Variants in KHK observed in about 807,000 individuals in gnomAD.
The protein encoded by KHK is fructokinase.
A neutral mutation model predicts 36.0 loss-of-function variants in KHK; 37 were observed. The observed-to-expected ratio is 1.03, with a 90% CI of 0.79 to 1.35. The LOEUF (loss-of-function observed/expected upper bound fraction) is 1.35. Among genes scored for constraint, KHK ranks in the 40% most tolerant of loss-of-function variants. The pLI, the probability that KHK is intolerant of heterozygous loss-of-function variation, is 0.00. For synonymous variants in KHK, 161 were observed against 162.8 expected (o/e 0.99, Z 0.08); for missense variants, 395 against 391.9 (o/e 1.01, Z -0.07).
At chr2:27,096,116 G>T (rs894613170) in intron 3 of KHK, among the ~76,000 whole-genome samples, 4 of 152,224 alleles carry the variant, frequency 2.6e-5, no homozygotes, top group Non-Finnish European at 5.9e-5. Flanking sequence ...GCTACAGAAC[G>T]TGGAGCGGGG....
At chr2:27,088,671 G>A (rs771114265) in intron 1 of KHK, among the ~76,000 whole-genome samples, 7 of 151,824 alleles carry the variant, frequency 4.6e-5, no homozygotes, top group African/African-American at 7.3e-5. Context: ...TGATCTGCCC[G>A]TCTCAGTCCC....
chr2:27,094,098 G>T (rs1220117163), intron 2 of KHK: 2 of 362,810 alleles, frequency 5.5e-6, no homozygotes, highest in Admixed American at 7.5e-5. Context: ...TTTGGGCATT[G>T]CAGGAAACAA....
rs375872452 is a variant in KHK, at chr2:27,092,465, G to A, written c.209+17G>A. 4.5e-6 allele frequency: 7 copies of A among 1,566,376 alleles called. No homozygotes were observed. The African/African-American group carries it at 8.1e-5, about 18-fold the overall frequency. On this transcript the variant is annotated intron_variant, in intron 2 of 7. Transcript: ENST00000260598. ...TGTTGCTGAGTAAGTCCAGGAGGGA[G>A]AGCCCACTGGGGAAGGCCTGCCTGC...
intron 2 of KHK, chr2:27,094,448 AC>A (rs768121919): frequency 1.9e-6 from 3 of 1,611,030 alleles, no homozygotes; most frequent in Admixed American, 3.3e-5. Context: ...GTCGAACTGC[AC>A]CCCCTTCGGG....
rs60769101 is a variant in KHK, at chr2:27,100,290, G to C, written c.*540G>C. The C allele has an allele frequency of 3.9e-3, 1,888 of 483,626 alleles. 25 individuals carry two copies. The highest frequency in any genetic ancestry group is 0.034 in the African/African-American group (1,718 of 49,928). The allele number at this position is 483,626 out of a possible 1,614,324, so 30.0% of individuals were successfully genotyped here. Reference sequence around the variant, plus strand: ...CGCTGAGCTGAACTGACAGGCCAGTGGGGGGCAGGGGTGCGCCTCCTCTGC... The same window carrying C: ...CGCTGAGCTGAACTGACAGGCCAGTCGGGGGCAGGGGTGCGCCTCCTCTGC... On this transcript the variant is annotated 3_prime_UTR_variant, in exon 8 of 8. Transcript: ENST00000260598.
intron 3 of KHK, among the ~76,000 whole-genome samples, chr2:27,095,182 G>C (rs1670260609): frequency 1.3e-5 from 2 of 152,218 alleles, no homozygotes; most frequent in South Asian, 2.1e-4. Flanking sequence ...GGGCAGGCAG[G>C]CCTATATAAA....
At chr2:27,090,452 C>CTTTTTTTTTTTTTTTTTTT in intron 1 of KHK, among the ~76,000 whole-genome samples, 1 of 110,122 alleles carries the variant, frequency 9.1e-6, no homozygotes, top group Non-Finnish European at 1.8e-5. Context: ...TTTTTTCTTT[C>CTTTTTTTTTTTTTTTTTTT]TTTTTTTTTT....
Position 27,100,110 on chromosome 2 carries a change from A to G in KHK, c.*360A>G. ...AGGGGCTGCCTGGGCTAGAGCAGCG[A>G]GAAGTGCCCTGGGCTTGCCACCAGC... On this transcript the variant is annotated 3_prime_UTR_variant, in exon 8 of 8. Coordinates refer to ENST00000260598, the MANE Select transcript of KHK (RefSeq NM_006488.3). The G allele has an allele frequency of 1.8e-6, 1 of 568,096 alleles. No individual in the cohort carries two copies. 35.2% of individuals were successfully genotyped at this position (568,096 alleles called of 1,614,324 possible).
intron 2 of KHK, 76 bp downstream of exon 2, chr2:27,092,524 G>C (rs2148344004): frequency 9.6e-7 from 1 of 1,039,670 alleles, no homozygotes; most frequent in Middle Eastern, 2.0e-4. Context: ...TATCCACCCT[G>C]GGTGGATGGG....
chr2:27,100,070 G>A lies in KHK; in HGVS notation c.*320G>A, dbSNP rs1482244034. On this transcript the variant is annotated 3_prime_UTR_variant, in exon 8 of 8. Coordinates refer to ENST00000260598, the MANE Select transcript of KHK (RefSeq NM_006488.3). ...GTCCATTCCCCAAATTAACCTCTCC[G>A]CCCAGGCCCAGAGGAGGGGCTGCCT... 7 of 611,436 alleles carry A rather than the reference G, an allele frequency of 1.1e-5. No homozygotes were observed. The highest frequency in any genetic ancestry group is 2.8e-5 in the East Asian group (1 of 35,908). The allele number at this position is 611,436 out of a possible 1,614,324, so 37.9% of individuals were successfully genotyped here. A position where few individuals can be genotyped will look rare whatever the true frequency, so the allele number is the denominator to read the frequency against.
At chr2:27,096,419 G>A (rs1271007587) in intron 3 of KHK, among the ~76,000 whole-genome samples, 1 of 152,194 alleles carries the variant, frequency 6.6e-6, no homozygotes, top group African/African-American at 2.4e-5. Context: ...GGGAAGTGTA[G>A]GCTTGGCGCT....
At chr2:27,091,540 A>AATT (rs546632652) in intron 1 of KHK, among the ~76,000 whole-genome samples, 3 of 152,248 alleles carry the variant, frequency 2.0e-5, no homozygotes, top group East Asian at 3.9e-4. Flanking sequence ...AAACTGCCAC[A>AATT]ATTATTATTA....
chr2:27,095,255 G>A (rs760666318), intron 3 of KHK, among the ~76,000 whole-genome samples: 12 of 152,212 alleles, frequency 7.9e-5, no homozygotes, highest in Non-Finnish European at 1.8e-4. Flanking sequence ...TTGGCTGTGG[G>A]TGCGGGGAAA....
intron 1 of KHK, among the ~76,000 whole-genome samples, chr2:27,088,573 C>G (rs1669804485): frequency 6.6e-6 from 1 of 152,172 alleles, no homozygotes; most frequent in African/African-American, 2.4e-5. Flanking sequence ...CCACCATGCC[C>G]CACTAATTTT....
chr2:27,089,582 G>T lies in KHK; in HGVS notation c.92+2231G>T, dbSNP rs1000454263. Among the ~76,000 whole-genome samples the T allele has an allele frequency of 2.6e-5, 4 of 152,194 alleles. No homozygotes were observed. The South Asian group carries it at 8.3e-4, about 32-fold the overall frequency. Reference sequence around the variant, plus strand: ...CTGATGGGGCAGGTTCTGAAGGTGGGCACTGAGCGAGGCACTTCTCTAAAG... The same window carrying T: ...CTGATGGGGCAGGTTCTGAAGGTGGTCACTGAGCGAGGCACTTCTCTAAAG... On this transcript the variant is annotated intron_variant, in intron 1 of 7. Transcript: ENST00000260598.
intron 2 of KHK, chr2:27,094,559 A>G: frequency 1.9e-6 from 3 of 1,614,092 alleles, no homozygotes; most frequent in Non-Finnish European, 2.5e-6. Flanking sequence ...CCCCATCGCC[A>G]CGGTCATCAT....
Position 27,099,519 on chromosome 2 carries a change from G to A in KHK, c.753G>A (p.Val251=). 1 of 1,614,178 alleles carries A rather than the reference G, an allele frequency of 6.2e-7. No individual in the cohort carries two copies. Among genetic ancestry groups the A allele is most frequent in the Non-Finnish European group, 8.5e-7 (1 of 1,180,028 alleles). ...ATGCTTTCCCGCCACCCCGCGTGGT[G>A]GATACACTGGGAGCTGGAGACACCT... ...HSDAFPPPRV[V]DTLGAGDTFN... is the part of the protein sequence containing the mutation. Residue 251 remains valine, a synonymous_variant, in exon 7 of 8, where the codon GTG becomes GTA. Transcript: ENST00000260598.
In KHK at chr2:27,094,784, C is replaced by T. The variant is rs370270679; in HGVS notation, c.210-16C>T. 1.4e-5 allele frequency: 23 copies of T among 1,613,990 alleles called. No homozygotes were observed. The highest frequency in any genetic ancestry group is 7.7e-5 in the South Asian group (7 of 91,084). ...GTGTCTCCTTGCCCTTTTCCTGGCC[C>T]GGCCTCCACCCTAAGCTTCCTGGTG... On this transcript the variant is annotated splice_polypyrimidine_tract_variant and intron_variant, in intron 2 of 7. Coordinates refer to ENST00000260598, the MANE Select transcript of KHK (RefSeq NM_006488.3).
chr2:27,096,660 T>C, intron 3 of KHK, 69 bp from the exon 4 acceptor site: 1 of 1,252,160 alleles, frequency 8.0e-7, no homozygotes, highest in Non-Finnish European at 1.2e-6. Flanking sequence ...CAGCTGCCAG[T>C]TAGAGATCCT....
Sources: allele counts gnomAD v4.1 joint callset (sites outside exome capture counted in the v4.1 genomes callset), GRCh38; gene constraint gnomAD v4.1.1; transcripts MANE v1.5; gene names NCBI Gene and HGNC (gene_info 2026-07-23, HGNC 2026-07-21).